PPARG: variants seen among roughly 807,000 people sequenced by gnomAD.
The protein encoded by PPARG is peroxisome proliferator activated receptor gamma.
Under a neutral mutation model 39.2 loss-of-function variants are expected in PPARG, and 17 were observed. That is an observed-to-expected ratio of 0.43 (90% CI 0.30 to 0.65). PPARG has a LOEUF of 0.65. Ranked by LOEUF, PPARG falls within the 30% of genes least tolerant of loss-of-function variation. The pLI is 0.13. For missense variants in PPARG, 406 were observed against 585.9 expected (o/e 0.69, Z 3.17); for synonymous variants, 223 against 215.7 (o/e 1.03, Z -0.30).
chr3:12,406,559 A>ATTTTTTTTTTTTTTTT (rs2050680074), intron 6 of PPARG: 1 of 36,414 alleles, frequency 2.7e-5, no homozygotes, highest in Non-Finnish European at 6.1e-5. Flanking sequence ...TTTTTTTTTG[A>ATTTTTTTTTTTTTTTT]GATGTCGTCT....
chr3:12,418,828 A>G (rs2051164830), intron 7 of PPARG, among the ~76,000 whole-genome samples: 1 of 152,232 alleles, frequency 6.6e-6, no homozygotes, highest in Admixed American at 6.5e-5. Flanking sequence ...TAGGGTGCAA[A>G]TAGATCACAG....
intron 2 of PPARG, among the ~76,000 whole-genome samples, chr3:12,347,594 A>G (rs1043218808): frequency 2.0e-5 from 3 of 152,212 alleles, no homozygotes; most frequent in African/African-American, 7.2e-5. Context: ...TTGCACTAGG[A>G]AAAGGCAGCC....
chr3:12,310,458 C>CTTTTTTTTTTTTTTTTTTTTTTTTTTTT, intron 1 of PPARG, among the ~76,000 whole-genome samples: 1 of 69,914 alleles, frequency 1.4e-5, no homozygotes, highest in Non-Finnish European at 2.7e-5. Context: ...TATTTGAGCC[C>CTTTTTTTTTTTTTTTTTTTTTTTTTTTT]TTTTTTTTTT....
chr3:12,377,996 G>A (rs1477142173), intron 2 of PPARG, among the ~76,000 whole-genome samples: 2 of 152,062 alleles, frequency 1.3e-5, no homozygotes, highest in Non-Finnish European at 2.9e-5. Context: ...ACATACAAGT[G>A]GCCAACAGAT....
chr3:12,379,076 A>G (rs2921189), intron 2 of PPARG, among the ~76,000 whole-genome samples: 105,788 of 151,744 alleles, frequency 0.7, 37,644 homozygotes, highest in African/African-American at 0.84. Flanking sequence ...GTGTGATCTC[A>G]CCTTACTGCT....
chr3:12,418,875 G>A (rs760053444), intron 7 of PPARG, among the ~76,000 whole-genome samples: 1 of 152,268 alleles, frequency 6.6e-6, no homozygotes. Context: ...TGAAGTCCAG[G>A]GTCAAGTCGT....
chr3:12,308,364 A>G lies in PPARG; in HGVS notation c.-82-4016A>G, dbSNP rs1026480009. On this transcript the variant is annotated intron_variant, in intron 1 of 7. Coordinates refer to ENST00000651735, the MANE Select transcript of PPARG (RefSeq NM_138711.6). ...GTCTCAAAAAAAAAAAAAAAAAAAA[A>G]AAAAAAGGGAGAAACTGATTTCAAG... 1.4e-3 allele frequency among the ~76,000 whole-genome samples: 208 copies of G among 149,794 alleles called. 3 individuals carry two copies. The highest frequency in any genetic ancestry group is 4.6e-3 in the African/African-American group (189 of 40,720).
rs4135339 is a variant in PPARG at position 12,397,579 on chromosome 3, T to G, written c.529+4827T>G. 5.4e-3 allele frequency among the ~76,000 whole-genome samples: 813 copies of G among 151,526 alleles called. 5 individuals are homozygous for G. Among genetic ancestry groups the G allele is most frequent in the African/African-American group, 0.018 (754 of 41,320 alleles). ...GCGCCTGCCACCATGCCCGGCTAAT[T>G]TTTTGTATTTTTAGTAGAGACGGGG... On this transcript the variant is annotated intron_variant, in intron 5 of 7. Coordinates refer to ENST00000651735, the MANE Select transcript of PPARG (RefSeq NM_138711.6).
At chr3:12,353,033 T>C (rs944514292) in intron 2 of PPARG, among the ~76,000 whole-genome samples, 13 of 152,236 alleles carry the variant, frequency 8.5e-5, no homozygotes, top group Non-Finnish European at 1.5e-4. Context: ...GTGCAACAAA[T>C]ATCAACAAAT....
chr3:12,423,849 G>T (rs1473856586), intron 7 of PPARG, among the ~76,000 whole-genome samples: 1 of 152,178 alleles, frequency 6.6e-6, no homozygotes, highest in Non-Finnish European at 1.5e-5. Context: ...AAGGATATCT[G>T]CTTTCTCTTG....
At chr3:12,372,121 C>T (rs1371109588) in intron 2 of PPARG, 2 of 720,362 alleles carry the variant, frequency 2.8e-6, no homozygotes, top group East Asian at 5.3e-5. Context: ...GGCACGTACT[C>T]TTGTTGCCTA....
Position 12,434,151 on chromosome 3 carries a change from A to G in PPARG, c.*6A>G. ...TCTACAAGGACTTGTACTAGCAGAG[A>G]GTCCTGAGCCACTGCCAACATTTCC... On this transcript the variant is annotated 3_prime_UTR_variant, in exon 8 of 8. Coordinates refer to ENST00000651735, the MANE Select transcript of PPARG (RefSeq NM_138711.6). The surrounding 1 kb of genome is among the most constrained non-coding windows in gnomAD (Gnocchi z 4.2). The G allele has an allele frequency of 3.7e-6, 6 of 1,614,206 alleles. No homozygotes were observed. The highest frequency in any genetic ancestry group is 5.1e-6 in the Non-Finnish European group (6 of 1,180,028).
intron 5 of PPARG, among the ~76,000 whole-genome samples, chr3:12,396,687 G>A (rs2050274291): frequency 2.0e-5 from 3 of 151,424 alleles, no homozygotes; most frequent in African/African-American, 4.9e-5. Context: ...TAGCCCAGGG[G>A]GTGGAAGTTG....
chr3:12,291,987 G>C (rs2046660174), intron 1 of PPARG, among the ~76,000 whole-genome samples: 1 of 152,116 alleles, frequency 6.6e-6, no homozygotes, highest in Non-Finnish European at 1.5e-5. Context: ...ATTTAATTGA[G>C]CTGATATTCT....
At chr3:12,372,042 A>G (rs2049234551) in intron 2 of PPARG, 1 of 718,016 alleles carries the variant, frequency 1.4e-6, no homozygotes, top group African/African-American at 1.7e-5. Flanking sequence ...GGGATTGAAA[A>G]ATCGGCGGTT....
intron 2 of PPARG, 115 bp from the exon 3 acceptor site, chr3:12,379,589 G>C (rs1435065462): frequency 4.4e-6 from 4 of 903,558 alleles, no homozygotes; most frequent in Non-Finnish European, 7.1e-6. Context: ...GTTGTTGTGA[G>C]CGCCCAGATG....
chr3:12,331,938 T>C (rs949023918), intron 2 of PPARG, among the ~76,000 whole-genome samples: 1 of 152,150 alleles, frequency 6.6e-6, no homozygotes, highest in East Asian at 1.9e-4. Context: ...AGTTACCAAA[T>C]AGATATTTCT....
chr3:12,372,147 C>T, intron 2 of PPARG: 1 of 718,506 alleles, frequency 1.4e-6, no homozygotes, highest in Non-Finnish European at 2.6e-6. Context: ...ACACATTTCT[C>T]CAATAAAGCT....
At chr3:12,360,176 C>T (rs1239554360) in intron 2 of PPARG, among the ~76,000 whole-genome samples, 1 of 151,934 alleles carries the variant, frequency 6.6e-6, no homozygotes, top group Non-Finnish European at 1.5e-5. Flanking sequence ...TCTTTTTGCT[C>T]TTTTTGTTAT....
Sources: allele counts gnomAD v4.1 joint callset (sites outside exome capture counted in the v4.1 genomes callset), GRCh38; gene constraint gnomAD v4.1.1; non-coding constraint Gnocchi (gnomAD v3.1); transcripts MANE v1.5; gene names NCBI Gene and HGNC (gene_info 2026-07-23, HGNC 2026-07-21).